DEUP1: variants seen among roughly 807,000 people sequenced by gnomAD.
DEUP1 encodes the protein coiled-coil domain containing 67.
Under a neutral mutation model 87.4 loss-of-function variants are expected in DEUP1, and 82 were observed. The ratio of observed to expected loss-of-function variants is 0.94; its 90% CI spans 0.78 to 1.13. The LOEUF (loss-of-function observed/expected upper bound fraction) is 1.13. DEUP1 is among the 50% of genes most tolerant of loss of function. The probability of loss-of-function intolerance (pLI) is 0.00; values close to 1 mark genes in which losing one functional copy is unlikely to be tolerated. For missense variants in DEUP1, 663 were observed against 681.5 expected, an observed-to-expected ratio of 0.97 and a Z score of 0.30; for synonymous variants, 214 against 222.7, an observed-to-expected ratio of 0.96 and a Z score of 0.35.
At chr11:93,383,386 C>T (rs1946391465) in intron 7 of DEUP1, 1 of 419,068 alleles carries the variant, frequency 2.4e-6, no homozygotes, top group Admixed American at 4.1e-5. Context: ...TAGTGTATGA[C>T]ACCATTTGTA....
intron 2 of DEUP1, among the ~76,000 whole-genome samples, chr11:93,335,756 C>T (rs1943727664): frequency 6.6e-6 from 1 of 152,186 alleles, no homozygotes; most frequent in African/African-American, 2.4e-5. Context: ...TGTTCATCAC[C>T]TTGTTTTCAA....
chr11:93,360,856 G>A (rs1945137818), intron 4 of DEUP1, among the ~76,000 whole-genome samples: 1 of 146,808 alleles, frequency 6.8e-6, no homozygotes, highest in Non-Finnish European at 1.5e-5. Context: ...AGATGGGGAG[G>A]GTGAAAAAGC....
chr11:93,365,279 T>C (rs1180627323), intron 5 of DEUP1, among the ~76,000 whole-genome samples: 2 of 152,124 alleles, frequency 1.3e-5, no homozygotes, highest in African/African-American at 4.8e-5. Context: ...TAGATTTTAA[T>C]CTTTAAAAGT....
At chr11:93,345,998 T>G (rs1412224611) in intron 2 of DEUP1, among the ~76,000 whole-genome samples, 1 of 152,200 alleles carries the variant, frequency 6.6e-6, no homozygotes, top group East Asian at 1.9e-4. Context: ...GGTTTTACAT[T>G]TAAGTCTTTA....
intron 4 of DEUP1, among the ~76,000 whole-genome samples, chr11:93,362,310 A>G (rs1231305335): frequency 6.6e-6 from 1 of 152,006 alleles, no homozygotes; most frequent in Non-Finnish European, 1.5e-5. Context: ...TGTAAACCAT[A>G]TATTTGATAA....
In DEUP1 at chr11:93,393,095, T is replaced by TG. The variant is rs1379102371; in HGVS notation, c.1042-1364_1042-1363insG. Among the ~76,000 whole-genome samples the TG allele has an allele frequency of 5.1e-3, 723 of 141,296 alleles. 13 individuals are homozygous for TG. Among genetic ancestry groups the TG allele is most frequent in the African/African-American group, 0.018 (692 of 37,828 alleles). 92.7% of individuals were successfully genotyped at this position (141,296 alleles called of 152,430 possible). A position where few individuals can be genotyped will look rare whatever the true frequency, so the allele number is the denominator to read the frequency against. ...TTCTTCTCTTCCTCCTTCTTTTTTT[T>TG]TTTTTTTTTTGAGACAGGATCCTGC... On this transcript the variant is annotated intron_variant, in intron 9 of 13. Coordinates refer to ENST00000298050, the MANE Select transcript of DEUP1 (RefSeq NM_181645.4).
rs1947763440 is a variant in DEUP1 at position 93,419,036 on chromosome 11, G to A, written c.1638+3922G>A. Among the ~76,000 whole-genome samples, 12 of 150,614 alleles carry A rather than the reference G, an allele frequency of 8.0e-5. No homozygotes were observed. In the South Asian group the frequency reaches 2.6e-3, roughly 32 times the overall value. On this transcript the variant is annotated intron_variant, in intron 13 of 13. Transcript: ENST00000298050. Reference sequence around the variant, plus strand: ...ATCACACTCTGGGGACTGTTGTGGGGTGGCGGGAGGGGGGAGGGATAGCAT... The same window carrying A: ...ATCACACTCTGGGGACTGTTGTGGGATGGCGGGAGGGGGGAGGGATAGCAT...
intron 2 of DEUP1, among the ~76,000 whole-genome samples, chr11:93,335,396 A>G (rs1943705911): frequency 6.6e-6 from 1 of 152,226 alleles, no homozygotes; most frequent in African/African-American, 2.4e-5. Flanking sequence ...TAAAAAAGTT[A>G]TATAATCAAA....
intron 7 of DEUP1, among the ~76,000 whole-genome samples, chr11:93,376,776 G>A (rs1457590982): frequency 6.6e-6 from 1 of 152,050 alleles, no homozygotes; most frequent in African/African-American, 2.4e-5. Context: ...TTTCCTCTTA[G>A]TACTGCTTTT....
chr11:93,396,488 A>G (rs59065050), intron 11 of DEUP1, 163 bp downstream of exon 11: 14,760 of 524,414 alleles, frequency 0.028, 273 homozygotes, highest in African/African-American at 0.065. Flanking sequence ...TCCTCAGGCT[A>G]GAACATTGGA....
intron 2 of DEUP1, 126 bp from the exon 3 acceptor site, chr11:93,355,245 A>T: frequency 2.4e-6 from 2 of 847,728 alleles, no homozygotes; most frequent in Middle Eastern, 5.2e-4. Context: ...TTTTGAACTT[A>T]TTCCTATTTA....
chr11:93,344,612 A>C (rs1944247842), intron 2 of DEUP1, among the ~76,000 whole-genome samples: 1 of 152,098 alleles, frequency 6.6e-6, no homozygotes, highest in Admixed American at 6.6e-5. Flanking sequence ...CATGTATTCC[A>C]AACTGAATTC....
rs1948287271 is a variant in DEUP1 at position 93,437,650 on chromosome 11, T to A, written c.1746T>A (p.Asp582Glu). 9 of 1,609,272 alleles carry A rather than the reference T, an allele frequency of 5.6e-6. 1 individual carries two copies. The highest frequency in any genetic ancestry group is 7.7e-6 in the Non-Finnish European group (9 of 1,175,848). ...ELEKLLNTHI[D>E]ELQRHTEFTL... ...AAAAACTTCTAAATACACATATTGATGAACTGCAAAGACACACAGAATTTA... is the reference window on the plus strand; with the variant it reads ...AAAAACTTCTAAATACACATATTGAAGAACTGCAAAGACACACAGAATTTA... The change falls in exon 14 of 14, where the codon GAT becomes GAA. Residue 582 changes from aspartate to glutamate, a missense_variant. Asp to Glu is a conservative substitution (Grantham distance 45, BLOSUM62 2). Transcript: ENST00000298050.
chr11:93,376,932 A>G (rs1205152833), intron 7 of DEUP1, among the ~76,000 whole-genome samples: 1 of 152,162 alleles, frequency 6.6e-6, no homozygotes, highest in African/African-American at 2.4e-5. Flanking sequence ...TGGTTTTAAG[A>G]GTTCCTTTTG....
chr11:93,357,044 G>A lies in DEUP1; in HGVS notation c.297+1G>A, dbSNP rs1410113451. ...ACAACTACAAAGCCTAAAGGCTCAA[G>A]TAAGAAAACTTATTATAATTTAATA... On this transcript the variant is annotated splice_donor_variant, in intron 4 of 13. Coordinates refer to ENST00000298050, the MANE Select transcript of DEUP1 (RefSeq NM_181645.4). LOFTEE classifies it high-confidence loss of function. The A allele has an allele frequency of 4.0e-6, 6 of 1,510,938 alleles. No homozygotes were observed. Among genetic ancestry groups the A allele is most frequent in the Middle Eastern group, 3.5e-4 (2 of 5,692 alleles). 93.6% of individuals were successfully genotyped at this position (1,510,938 alleles called of 1,614,324 possible).
rs11499626 is a variant in DEUP1 at position 93,373,613 on chromosome 11, G to A, written c.789+2333G>A. Among the ~76,000 whole-genome samples, 211 of 51,102 alleles carry A rather than the reference G, an allele frequency of 4.1e-3. 1 individual carries two copies. The highest frequency in any genetic ancestry group is 0.012 in the African/African-American group (204 of 16,512). The allele number at this position is 51,102 out of a possible 152,430, so 33.5% of individuals were successfully genotyped here. On this transcript the variant is annotated intron_variant, in intron 7 of 13. Transcript: ENST00000298050. ...TATATACGTATATATATTTATATAT[G>A]TATATATATACGTATATATATATAT...
At chr11:93,373,466 C>A (rs533617325) in intron 7 of DEUP1, among the ~76,000 whole-genome samples, 1 of 151,544 alleles carries the variant, frequency 6.6e-6, no homozygotes, top group Admixed American at 6.6e-5. Context: ...AATGATGTTT[C>A]GTTTTCCATT....
intron 11 of DEUP1, among the ~76,000 whole-genome samples, chr11:93,405,420 C>T (rs1324862760): frequency 6.6e-6 from 1 of 151,928 alleles, no homozygotes; most frequent in Non-Finnish European, 1.5e-5. Context: ...GCTTAATAAG[C>T]AGAGAAATAC....
At chr11:93,343,076 A>G (rs1315781504) in intron 2 of DEUP1, among the ~76,000 whole-genome samples, 1 of 152,166 alleles carries the variant, frequency 6.6e-6, no homozygotes, top group Non-Finnish European at 1.5e-5. Flanking sequence ...GAAGTCTTCA[A>G]CTCAGATGCT....
Sources: gnomAD v4.1 joint callset for allele counts (sites outside exome capture counted in the v4.1 genomes callset) on GRCh38, gnomAD v4.1.1 for gene constraint, MANE v1.5 for transcripts, NCBI Gene and HGNC (gene_info 2026-07-23, HGNC 2026-07-21) for gene names.